DOK7: variants seen among roughly 807,000 people sequenced by gnomAD.
DOK7 encodes docking protein 7.
A neutral mutation model predicts 30.7 loss-of-function variants in DOK7; 32 were observed. The observed-to-expected ratio is 1.04, with a 90% CI of 0.79 to 1.40. The LOEUF is 1.40. Among genes scored for constraint, DOK7 ranks in the 40% most tolerant of loss-of-function variants. DOK7 has a pLI of 0.00. For missense variants in DOK7, 1,007 were observed against 699.2 expected (o/e 1.44, Z -4.97); for synonymous variants, 447 against 324.1 (o/e 1.38, Z -4.07).
At chr4:3,469,497 C>T (rs550418871) in intron 2 of DOK7, among the ~76,000 whole-genome samples, 3 of 152,012 alleles carry the variant, frequency 2.0e-5, no homozygotes, top group Non-Finnish European at 4.4e-5. Flanking sequence ...TGAGCAGGGC[C>T]GATGGTGCTT....
chr4:3,467,832 C>T (rs762833369), intron 2 of DOK7, among the ~76,000 whole-genome samples: 2 of 152,154 alleles, frequency 1.3e-5, no homozygotes, highest in Admixed American at 6.5e-5. Context: ...CTGGGTGTCT[C>T]GTGAGGACCA....
chr4:3,471,036 C>T (rs1726727585), intron 2 of DOK7, among the ~76,000 whole-genome samples: 1 of 152,238 alleles, frequency 6.6e-6, no homozygotes, highest in Non-Finnish European at 1.5e-5. Flanking sequence ...GAAGCTGAGG[C>T]CCTCGAGGTG....
At chr4:3,487,288 C>A (rs1455724499) in intron 5 of DOK7, among the ~76,000 whole-genome samples, 1 of 152,212 alleles carries the variant, frequency 6.6e-6, no homozygotes, top group Non-Finnish European at 1.5e-5. Flanking sequence ...TGGGCCCAGC[C>A]CCCGCAGGCT....
chr4:3,477,345 C>T (rs1292368556), intron 4 of DOK7, among the ~76,000 whole-genome samples: 4 of 152,228 alleles, frequency 2.6e-5, no homozygotes, highest in Non-Finnish European at 5.9e-5. Flanking sequence ...TGGTTTGGGG[C>T]TGAGAGGACT....
downstream of DOK7, chr4:3,496,728 T>TG (rs941224432): frequency 1.1e-5 from 15 of 1,418,158 alleles, no homozygotes; most frequent in Middle Eastern, 1.8e-4. Flanking sequence ...GTGTCACTCT[T>TG]GGGGGGTAGT....
chr4:3,476,753 G>A (rs1432182819), intron 4 of DOK7, among the ~76,000 whole-genome samples: 4 of 152,340 alleles, frequency 2.6e-5, no homozygotes, highest in East Asian at 3.9e-4. Flanking sequence ...AGGGGCCTCG[G>A]CTACCTCTGC....
chr4:3,499,646 G>A (rs1217593160), intron 6 of DOK7, among the ~76,000 whole-genome samples: 2 of 152,018 alleles, frequency 1.3e-5, no homozygotes, highest in South Asian at 2.1e-4. Context: ...TAGGAAGGGG[G>A]TCGGGGGAAG....
At chr4:3,496,850 A>G, downstream of DOK7, 1 of 1,533,422 alleles carries the variant, frequency 6.5e-7, no homozygotes, top group South Asian at 1.2e-5. Flanking sequence ...AGGACCTGCG[A>G]CAGCACATTC....
At chr4:3,487,167 C>T (rs1727861507) in intron 5 of DOK7, among the ~76,000 whole-genome samples, 1 of 152,236 alleles carries the variant, frequency 6.6e-6, no homozygotes, top group Non-Finnish European at 1.5e-5. Flanking sequence ...GGGCCTCGGC[C>T]TGCAGCTGTG....
At chr4:3,500,883 C>T (rs1729154286) in exon 8 of DOK7, 9 of 1,471,338 alleles carry the variant, frequency 6.1e-6, no homozygotes, top group South Asian at 4.0e-5. Context: ...CCGTGGCCCC[C>T]GGCAGGCCAG....
intron 4 of DOK7, 107 bp downstream of exon 4, chr4:3,476,649 C>A: frequency 6.9e-7 from 1 of 1,447,232 alleles, no homozygotes; most frequent in Non-Finnish European, 9.6e-7. Context: ...GGCCTGCTGG[C>A]ATTTCCAGAA....
chr4:3,467,457 C>G (rs10034741), intron 2 of DOK7, among the ~76,000 whole-genome samples: 9 of 126,102 alleles, frequency 7.1e-5, no homozygotes, highest in East Asian at 2.8e-4. Context: ...AGACCCCCCC[C>G]CCCCACCCCA....
chr4:3,468,320 G>A (rs1726445107), intron 2 of DOK7, among the ~76,000 whole-genome samples: 1 of 135,936 alleles, frequency 7.4e-6, no homozygotes, highest in East Asian at 2.1e-4. Context: ...GTGAATACCT[G>A]TGTGTGCGAG....
chr4:3,499,926 C>T (rs572091139), intron 6 of DOK7, among the ~76,000 whole-genome samples: 15 of 150,676 alleles, frequency 1.0e-4, no homozygotes, highest in South Asian at 6.3e-4. Flanking sequence ...GGGCGAGGGG[C>T]GCAGGGACAG....
chr4:3,473,692 C>T (rs1577149068), intron 3 of DOK7, 56 bp downstream of exon 3: 3 of 1,472,204 alleles, frequency 2.0e-6, no homozygotes, highest in South Asian at 1.3e-5. Flanking sequence ...GTGCCGGGGC[C>T]CCTCACCAAC....
At chr4:3,474,638 A>G (rs1433610764) in intron 3 of DOK7, among the ~76,000 whole-genome samples, 1 of 152,250 alleles carries the variant, frequency 6.6e-6, no homozygotes, top group Admixed American at 6.5e-5. Context: ...CCTGGCCAAC[A>G]TAGCGAAGCC....
At chr4:3,496,348 C>G (rs535364635), downstream of DOK7, among the ~76,000 whole-genome samples, 1,358 of 152,324 alleles carry the variant, frequency 8.9e-3, 22 homozygotes, top group African/African-American at 0.031. Flanking sequence ...GGAGCCTTCC[C>G]CACCAGCTGC....
rs200834682 is a variant in DOK7 at position 3,490,262 on chromosome 4, AT to A, written c.772+468del. Among the ~76,000 whole-genome samples, 260 of 89,820 alleles carry A rather than the reference AT, an allele frequency of 2.9e-3. 2 individuals carry two copies. The highest frequency in any genetic ancestry group is 8.4e-3 in the African/African-American group (198 of 23,458). 58.9% of individuals were successfully genotyped at this position (89,820 alleles called of 152,430 possible). On this transcript the variant is annotated intron_variant, in intron 6 of 6. Transcript: ENST00000340083. ...TCCTTCCTTTTCTCCCTGCTCATTC[AT>A]TCCTTCCTTCCCCACCTTGCTCATT... is the stretch of plus-strand genomic sequence containing the variant.
Position 3,493,027 on chromosome 4 carries a change from T to C in DOK7, c.1041T>C (p.Ser347=), listed in dbSNP as rs1483205083. 6.4e-7 allele frequency: 1 copy of C among 1,570,388 alleles called. No homozygotes were observed. Among genetic ancestry groups the C allele is most frequent in the Admixed American group, 1.8e-5 (1 of 54,798 alleles). Reference sequence around the variant, plus strand: ...GCATCGCCACTGGCAGCCACTCCTCTTACTCCAGCAGCCTCTCGTCCTACG... The same window carrying C: ...GCATCGCCACTGGCAGCCACTCCTCCTACTCCAGCAGCCTCTCGTCCTACG... ...DSGIATGSHS[S]YSSSLSSYAG... The change falls in exon 7 of 7, where the codon TCT becomes TCC. Residue 347 remains serine, a synonymous_variant. Coordinates refer to ENST00000340083, the MANE Select transcript of DOK7 (RefSeq NM_173660.5).
Sources: gnomAD v4.1 joint callset for allele counts (sites outside exome capture counted in the v4.1 genomes callset) on GRCh38, gnomAD v4.1.1 for gene constraint, MANE v1.5 for transcripts, NCBI Gene and HGNC (gene_info 2026-07-23, HGNC 2026-07-21) for gene names.